The following HS6ST3 variants were observed in gnomAD, a reference collection of about 807,000 sequenced individuals.
HS6ST3 encodes heparan-sulfate 6-O-sulfotransferase 3.
In HS6ST3, 12 loss-of-function variants were observed where a neutral mutation model predicts 36.7. The observed-to-expected ratio is 0.33, with a 90% CI of 0.21 to 0.53. HS6ST3 has a LOEUF of 0.53. Ranked by LOEUF, HS6ST3 falls within the 20% of genes least tolerant of loss-of-function variation. The pLI is 0.95. For missense variants in HS6ST3, 584 were observed against 640.9 expected, an observed-to-expected ratio of 0.91 and a Z score of 0.96; for synonymous variants, 240 against 257.5, an observed-to-expected ratio of 0.93 and a Z score of 0.65.
At chr13:96,538,512 T>C (rs2056164733) in intron 1 of HS6ST3, among the ~76,000 whole-genome samples, 1 of 152,182 alleles carries the variant, frequency 6.6e-6, no homozygotes, top group Non-Finnish European at 1.5e-5. Flanking sequence ...GGCACGATCT[T>C]GGCTCACTGC....
chr13:96,124,398 AG>A (rs1250145518), intron 1 of HS6ST3, among the ~76,000 whole-genome samples: 1 of 152,212 alleles, frequency 6.6e-6, no homozygotes, highest in African/African-American at 2.4e-5. Flanking sequence ...GGGCCCCACC[AG>A]TCTGCTTCCT....
chr13:96,276,030 C>T (rs568470039), intron 1 of HS6ST3, among the ~76,000 whole-genome samples: 1 of 152,088 alleles, frequency 6.6e-6, no homozygotes, highest in Non-Finnish European at 1.5e-5. Context: ...TCCCATCATG[C>T]CTTGCCTCTC....
intron 1 of HS6ST3, among the ~76,000 whole-genome samples, chr13:96,423,641 C>T (rs1218555281): frequency 1.3e-5 from 2 of 151,654 alleles, no homozygotes; most frequent in African/African-American, 2.4e-5. Flanking sequence ...TGGAAGGAGC[C>T]CGCCCCACAA....
chr13:96,133,443 G>A (rs532182431), intron 1 of HS6ST3, among the ~76,000 whole-genome samples: 19 of 151,236 alleles, frequency 1.3e-4, no homozygotes, highest in Admixed American at 2.6e-4. Flanking sequence ...TTTTTTTTGA[G>A]ATGGAGTCTC....
At chr13:96,271,029 A>G (rs1186030435) in intron 1 of HS6ST3, among the ~76,000 whole-genome samples, 1 of 151,928 alleles carries the variant, frequency 6.6e-6, no homozygotes, top group Non-Finnish European at 1.5e-5. Context: ...TTGAGTAATT[A>G]GGTTTCTGGT....
At chr13:96,628,465 G>A (rs1012899190) in intron 1 of HS6ST3, among the ~76,000 whole-genome samples, 1 of 151,834 alleles carries the variant, frequency 6.6e-6, no homozygotes, top group South Asian at 2.1e-4. Flanking sequence ...TCTTAAAGAG[G>A]AGGCTATATT....
At chr13:96,284,914 T>TAGA (rs1429214230) in intron 1 of HS6ST3, among the ~76,000 whole-genome samples, 2 of 51,452 alleles carry the variant, frequency 3.9e-5, no homozygotes, top group African/African-American at 1.7e-4. Flanking sequence ...ATATTTGCTT[T>TAGA]CTTTCTTTCT....
At chr13:96,332,481 A>C (rs1566327991) in intron 1 of HS6ST3, among the ~76,000 whole-genome samples, 1 of 152,172 alleles carries the variant, frequency 6.6e-6, no homozygotes, top group Non-Finnish European at 1.5e-5. Context: ...AGCCTGCCAA[A>C]GTTCAGATAT....
chr13:96,137,001 G>C (rs1241959978), intron 1 of HS6ST3, among the ~76,000 whole-genome samples: 1 of 152,062 alleles, frequency 6.6e-6, no homozygotes, highest in Non-Finnish European at 1.5e-5. Context: ...TAGCTTTCTA[G>C]AGACTTATTT....
intron 1 of HS6ST3, among the ~76,000 whole-genome samples, chr13:96,823,750 G>A (rs1389640098): frequency 6.6e-6 from 1 of 152,032 alleles, no homozygotes; most frequent in Non-Finnish European, 1.5e-5. Context: ...CTCCCAAGTA[G>A]CTGGGATTAC....
intron 1 of HS6ST3, among the ~76,000 whole-genome samples, chr13:96,483,618 G>A (rs1056327971): frequency 4.6e-5 from 7 of 152,164 alleles, no homozygotes; most frequent in Admixed American, 4.6e-4. Flanking sequence ...TTGAAGTATG[G>A]AATCTGTGGC....
chr13:96,822,624 G>A (rs1207076572), intron 1 of HS6ST3, among the ~76,000 whole-genome samples: 1 of 152,146 alleles, frequency 6.6e-6, no homozygotes, highest in Admixed American at 6.5e-5. Context: ...CTCCCTCTAG[G>A]GAAGCAGGGG....
At chr13:96,426,570 T>C (rs1354814026) in intron 1 of HS6ST3, among the ~76,000 whole-genome samples, 3 of 152,230 alleles carry the variant, frequency 2.0e-5, no homozygotes, top group Admixed American at 6.5e-5. Context: ...CCTTTGCCAT[T>C]TTAAAGGGAC....
chr13:96,377,009 G>T (rs959570406), intron 1 of HS6ST3, among the ~76,000 whole-genome samples: 1 of 148,960 alleles, frequency 6.7e-6, no homozygotes, highest in African/African-American at 2.5e-5. Context: ...TTGATTTATT[G>T]ATTTATTGTT....
At chr13:96,094,492 T>G (rs1228710815) in intron 1 of HS6ST3, among the ~76,000 whole-genome samples, 2 of 152,250 alleles carry the variant, frequency 1.3e-5, no homozygotes, top group Admixed American at 6.5e-5. Flanking sequence ...ACTTAAACAA[T>G]AAGTTGAAAA....
intron 1 of HS6ST3, among the ~76,000 whole-genome samples, chr13:96,313,923 G>A (rs932266811): frequency 1.3e-5 from 2 of 152,150 alleles, no homozygotes; most frequent in South Asian, 2.1e-4. Flanking sequence ...CCCCAAGGCC[G>A]TAAGTGGTAG....
intron 1 of HS6ST3, among the ~76,000 whole-genome samples, chr13:96,219,875 G>A (rs1342990124): frequency 6.6e-6 from 1 of 152,098 alleles, no homozygotes; most frequent in Non-Finnish European, 1.5e-5. Context: ...GTAGAGATGG[G>A]GTTTCACCAT....
At chr13:96,800,650 C>G (rs1878043388) in intron 1 of HS6ST3, among the ~76,000 whole-genome samples, 1 of 151,942 alleles carries the variant, frequency 6.6e-6, no homozygotes, top group Non-Finnish European at 1.5e-5. Flanking sequence ...CCAAATCCAC[C>G]CACGTATCTG....
intron 1 of HS6ST3, among the ~76,000 whole-genome samples, chr13:96,131,757 T>TA (rs397796966): frequency 1.4e-4 from 21 of 151,702 alleles, no homozygotes; most frequent in East Asian, 3.9e-4. Context: ...TTTTTTTTTT[T>TA]AATCACATAT....
Sources: gnomAD v4.1 joint callset for allele counts (sites outside exome capture counted in the v4.1 genomes callset) on GRCh38, gnomAD v4.1.1 for gene constraint, MANE v1.5 for transcripts, NCBI Gene and HGNC (gene_info 2026-07-23, HGNC 2026-07-21) for gene names.